The following RGS6 variants were observed in gnomAD, a reference collection of about 807,000 sequenced individuals.
RGS6 encodes regulator of G-protein signaling 6.
A neutral mutation model predicts 78.5 loss-of-function variants in RGS6; 30 were observed. The observed-to-expected ratio is 0.38, with a 90% CI of 0.29 to 0.52. The LOEUF is 0.52. Ranked by LOEUF, RGS6 falls within the 20% of genes least tolerant of loss-of-function variation. RGS6 has a pLI of 0.85. For missense variants in RGS6, 495 were observed against 609.7 expected (o/e 0.81, Z 1.98); for synonymous variants, 206 against 206.0 (o/e 1.00, Z 0.00).
At chr14:71,879,198 T>C in the RGS6 span, among the ~76,000 whole-genome samples, 1 of 152,250 alleles carries the variant, frequency 6.6e-6, no homozygotes, top group Non-Finnish European at 1.5e-5. Context: ...TATTTTCATT[T>C]GCCCTCTTTG....
intron 2 of RGS6, among the ~76,000 whole-genome samples, chr14:72,143,382 C>A (rs995682271): frequency 1.2e-4 from 18 of 151,730 alleles, no homozygotes; most frequent in Admixed American, 4.6e-4. Context: ...CAAAAAAAAA[C>A]ACAAAAAACT....
intron 2 of RGS6, among the ~76,000 whole-genome samples, chr14:72,327,622 A>G (rs1489205760): frequency 2.6e-5 from 4 of 152,190 alleles, no homozygotes; most frequent in African/African-American, 9.7e-5. Flanking sequence ...TTCAGAGCCA[A>G]GTCTAGATAT....
chr14:72,612,993 CGTGTGTGTGTGTGTGT>C, the RGS6 span, among the ~76,000 whole-genome samples: 3 of 148,952 alleles, frequency 2.0e-5, no homozygotes, highest in Non-Finnish European at 3.0e-5. Flanking sequence ...TTAAGTAGGG[CGTGTGTGTGTGTGTGT>C]GTGTGTGTGT....
intron 3 of RGS6, among the ~76,000 whole-genome samples, chr14:72,385,277 G>A (rs1412231915): frequency 6.6e-6 from 1 of 152,138 alleles, no homozygotes; most frequent in Non-Finnish European, 1.5e-5. Context: ...ACTTTAAAAT[G>A]TTTAGACATT....
At chr14:72,528,173 AAGG>A (rs1269074816) in intron 15 of RGS6, among the ~76,000 whole-genome samples, 1 of 152,238 alleles carries the variant, frequency 6.6e-6, no homozygotes, top group Non-Finnish European at 1.5e-5. Context: ...TCTAAAAAGA[AAGG>A]AGATTTCCAA....
At chr14:72,170,354 T>C (rs922673230) in intron 2 of RGS6, among the ~76,000 whole-genome samples, 8 of 152,246 alleles carry the variant, frequency 5.3e-5, no homozygotes, top group Non-Finnish European at 2.9e-5. Context: ...ACTGGCAAAC[T>C]TGCGTTCACC....
At chr14:72,145,648 T>C (rs561694906) in intron 2 of RGS6, among the ~76,000 whole-genome samples, 163 of 152,212 alleles carry the variant, frequency 1.1e-3, no homozygotes, top group African/African-American at 3.4e-3. Context: ...TGGGCTAATT[T>C]TTTTGTGGAT....
intron 2 of RGS6, among the ~76,000 whole-genome samples, chr14:72,316,101 G>A (rs1354599890): frequency 3.3e-5 from 5 of 152,088 alleles, no homozygotes; most frequent in Non-Finnish European, 5.9e-5. Flanking sequence ...CTTCCTTCAT[G>A]GAAAGAAGAG....
At chr14:72,048,950 T>C (rs922649842) in intron 2 of RGS6, among the ~76,000 whole-genome samples, 1 of 152,192 alleles carries the variant, frequency 6.6e-6, no homozygotes, top group African/African-American at 2.4e-5. Context: ...TGTTGCCTAT[T>C]CATATTAAGA....
chr14:72,415,887 C>T (rs541259344), intron 3 of RGS6, among the ~76,000 whole-genome samples: 43 of 152,246 alleles, frequency 2.8e-4, no homozygotes, highest in African/African-American at 8.7e-4. Flanking sequence ...GCACAGCTCA[C>T]GTCTGTAATC....
the RGS6 span, among the ~76,000 whole-genome samples, chr14:71,920,234 C>T: frequency 1.3e-5 from 2 of 152,310 alleles, no homozygotes; most frequent in Non-Finnish European, 2.9e-5. Context: ...TTAATCTGCG[C>T]TAGTGGTTAT....
intron 9 of RGS6, among the ~76,000 whole-genome samples, chr14:72,473,696 C>T (rs1165234318): frequency 2.0e-5 from 3 of 152,188 alleles, no homozygotes; most frequent in East Asian, 3.8e-4. Context: ...GCATCACTCC[C>T]GTGGGAACTA....
chr14:71,991,393 A>G (rs754655700), intron 2 of RGS6, among the ~76,000 whole-genome samples: 13 of 152,210 alleles, frequency 8.5e-5, no homozygotes, highest in Non-Finnish European at 1.3e-4. Context: ...AAAAAAACAG[A>G]CAAGAAGACA....
At chr14:72,587,538 C>A in the RGS6 span, among the ~76,000 whole-genome samples, 1 of 152,148 alleles carries the variant, frequency 6.6e-6, no homozygotes, top group Non-Finnish European at 1.5e-5. Context: ...TAATAAATTC[C>A]TTTATCCTTA....
chr14:72,396,143 C>G (rs1319801046), intron 3 of RGS6, among the ~76,000 whole-genome samples: 1 of 152,170 alleles, frequency 6.6e-6, no homozygotes, highest in Non-Finnish European at 1.5e-5. Context: ...GTTTACAGTC[C>G]CACCAACAGT....
intron 2 of RGS6, among the ~76,000 whole-genome samples, chr14:72,345,048 G>A (rs2077754803): frequency 1.3e-5 from 2 of 152,210 alleles, no homozygotes. Context: ...GCAGCTCAGT[G>A]TAGTCATGTG....
chr14:72,184,145 T>C (rs200447287), intron 2 of RGS6, among the ~76,000 whole-genome samples: 2 of 152,138 alleles, frequency 1.3e-5, no homozygotes, highest in South Asian at 2.1e-4. Context: ...TGAGGCTTTT[T>C]CCCAGATGTT....
chr14:72,163,690 C>T (rs2096883926), intron 2 of RGS6, among the ~76,000 whole-genome samples: 1 of 152,268 alleles, frequency 6.6e-6, no homozygotes, highest in Non-Finnish European at 1.5e-5. Context: ...CGAGACCAGC[C>T]TGGCCAACGT....
intron 17 of RGS6, among the ~76,000 whole-genome samples, chr14:72,546,006 C>T (rs2097395182): frequency 6.6e-6 from 1 of 152,152 alleles, no homozygotes; most frequent in African/African-American, 2.4e-5. Context: ...GTCCCAGGGG[C>T]CCTATGGGTA....
Sources: allele counts gnomAD v4.1 joint callset (sites outside exome capture counted in the v4.1 genomes callset), GRCh38; gene constraint gnomAD v4.1.1; transcripts MANE v1.5; gene names NCBI Gene and HGNC (gene_info 2026-07-23, HGNC 2026-07-21).